Variants in PRDM16 observed in about 807,000 individuals in gnomAD.
PRDM16 encodes PR/SET domain 16.
PRDM16 carries 23 observed loss-of-function variants against 110.6 expected under a neutral mutation model. The ratio of observed to expected loss-of-function variants is 0.21; its 90% CI spans 0.15 to 0.29. PRDM16 has a LOEUF of 0.29. Ranked by LOEUF, PRDM16 falls within the 10% of genes least tolerant of loss-of-function variation. PRDM16 has a pLI of 1.00. For missense variants in PRDM16, 1,615 were observed against 1,794.3 expected, an observed-to-expected ratio of 0.90 and a Z score of 1.81; for synonymous variants, 799 against 781.8, an observed-to-expected ratio of 1.02 and a Z score of -0.37.
At position 3,148,716 on chromosome 1, in the gene PRDM16, G is replaced by T. The variant is rs114150053; in HGVS notation, c.38-37409G>T. On this transcript the variant is annotated intron_variant, in intron 1 of 16. Coordinates refer to ENST00000270722, the MANE Select transcript of PRDM16 (RefSeq NM_022114.4). This position sits in a 1 kb window ranked among gnomAD's most constrained non-coding sequence, Gnocchi z 5.0. The stretch of plus-strand genomic sequence containing the variant: ...GTCAGAGCAGCGGCCCAAAGCCAAA[G>T]GGTGGTGAATCTGGGCACTGCCTGG... Among the ~76,000 whole-genome samples the T allele has an allele frequency of 0.025, 3,851 of 152,314 alleles. 179 individuals are homozygous for T. Among genetic ancestry groups the T allele is most frequent in the African/African-American group, 0.087 (3,621 of 41,552 alleles).
chr1:3,433,529 TCTGGGATGGCCCGCCCTGC>T, intron 16 of PRDM16, 129 bp from the exon 17 acceptor site: 1 of 531,796 alleles, frequency 1.9e-6, no homozygotes. Context: ...CACCTGCCTG[TCTGGGATGGCCCGCCCTGC>T]CCACGCGCTC....
At chr1:3,315,481 T>G (rs1641580262) in intron 3 of PRDM16, among the ~76,000 whole-genome samples, 1 of 152,128 alleles carries the variant, frequency 6.6e-6, no homozygotes, top group Admixed American at 6.5e-5. Context: ...CTGAAGGACA[T>G]GGGCACATTT....
intron 1 of PRDM16, among the ~76,000 whole-genome samples, chr1:3,172,132 T>C (rs957788538): frequency 3.3e-5 from 5 of 151,966 alleles, no homozygotes. Context: ...GAGAAGGAGT[T>C]GAGAACAGAA....
chr1:3,138,727 G>T (rs975430798), intron 1 of PRDM16, among the ~76,000 whole-genome samples: 1 of 152,216 alleles, frequency 6.6e-6, no homozygotes, highest in Non-Finnish European at 1.5e-5. Context: ...TGCTCAGACC[G>T]GTGGGTGCCA....
intron 2 of PRDM16, among the ~76,000 whole-genome samples, chr1:3,194,745 C>T (rs1407547032): frequency 6.6e-6 from 1 of 152,178 alleles, no homozygotes; most frequent in African/African-American, 2.4e-5. Flanking sequence ...ACCGTCTGAT[C>T]GCCACACATT....
intron 1 of PRDM16, among the ~76,000 whole-genome samples, chr1:3,124,538 A>G (rs2100669089): frequency 6.6e-6 from 1 of 152,316 alleles, no homozygotes; most frequent in African/African-American, 2.4e-5. Context: ...TATAGCACCA[A>G]TGCTAGGATC....
intron 3 of PRDM16, among the ~76,000 whole-genome samples, chr1:3,268,474 C>T (rs563737096): frequency 1.3e-5 from 2 of 152,286 alleles, no homozygotes; most frequent in Admixed American, 6.5e-5. Flanking sequence ...TGGTGCAGGG[C>T]GGCCGGGGAG....
chr1:3,433,936 C>G lies in PRDM16; in HGVS notation c.*125C>G. The G allele has an allele frequency of 1.0e-6, 1 of 962,282 alleles. No homozygotes were observed. The highest frequency in any genetic ancestry group is 1.6e-5 in the African/African-American group (1 of 61,080). The allele number at this position is 962,282 out of a possible 1,614,324, so 59.6% of individuals were successfully genotyped here. A position where few individuals can be genotyped will look rare whatever the true frequency, so the allele number is the denominator to read the frequency against. On this transcript the variant is annotated 3_prime_UTR_variant, in exon 17 of 17. Coordinates refer to ENST00000270722, the MANE Select transcript of PRDM16 (RefSeq NM_022114.4). ...ACTCCTCAGCATCCTCCCCACCCACCATGGTTCATTCCGACTTTTCCAATG... is the reference window on the plus strand; with the variant it reads ...ACTCCTCAGCATCCTCCCCACCCACGATGGTTCATTCCGACTTTTCCAATG...
intron 3 of PRDM16, among the ~76,000 whole-genome samples, chr1:3,310,481 CAG>C (rs1641424203): frequency 6.6e-6 from 1 of 152,198 alleles, no homozygotes. Context: ...TCACAACCCA[CAG>C]GGGCCCTCGG....
At chr1:3,381,253 C>T (rs1234495519) in intron 3 of PRDM16, among the ~76,000 whole-genome samples, 2 of 152,208 alleles carry the variant, frequency 1.3e-5, no homozygotes, top group Admixed American at 1.3e-4. Flanking sequence ...CACACACAAG[C>T]ACACACCCAG....
At chr1:3,420,354 A>G (rs1638392603) in intron 12 of PRDM16, among the ~76,000 whole-genome samples, 1 of 152,192 alleles carries the variant, frequency 6.6e-6, no homozygotes, top group South Asian at 2.1e-4. Flanking sequence ...GAAGCCTGCC[A>G]AGAGGAGCTC....
At chr1:3,348,560 C>T (rs1050170165) in intron 3 of PRDM16, among the ~76,000 whole-genome samples, 7 of 152,222 alleles carry the variant, frequency 4.6e-5, no homozygotes, top group East Asian at 1.9e-4. Flanking sequence ...GGGACATGCA[C>T]GCTTCTTAAA....
chr1:3,165,793 G>T (rs111331954), intron 1 of PRDM16, among the ~76,000 whole-genome samples: 1 of 75,922 alleles, frequency 1.3e-5, no homozygotes, highest in Admixed American at 1.3e-4. Flanking sequence ...TCAGGGACAG[G>T]GACTCACCAG....
intron 1 of PRDM16, among the ~76,000 whole-genome samples, chr1:3,071,124 C>T (rs916990815): frequency 2.0e-5 from 3 of 152,270 alleles, no homozygotes; most frequent in African/African-American, 7.2e-5. Context: ...CAGGCCCTCG[C>T]CCAGGATGGG....
intron 3 of PRDM16, among the ~76,000 whole-genome samples, chr1:3,281,253 G>A (rs539248879): frequency 3.0e-4 from 45 of 152,314 alleles, no homozygotes; most frequent in African/African-American, 9.1e-4. Flanking sequence ...GGGCACTGTC[G>A]CCCAGGAGGA....
intron 2 of PRDM16, among the ~76,000 whole-genome samples, chr1:3,241,665 A>C (rs1639677867): frequency 6.6e-6 from 1 of 152,252 alleles, no homozygotes; most frequent in South Asian, 2.1e-4. Flanking sequence ...ACTCCGCCAG[A>C]AAGGCAAGAA....
At chr1:3,230,055 C>T (rs1362309572) in intron 2 of PRDM16, among the ~76,000 whole-genome samples, 1 of 152,228 alleles carries the variant, frequency 6.6e-6, no homozygotes, top group Non-Finnish European at 1.5e-5. Flanking sequence ...CAAGGAGGAA[C>T]GCGCATCCCC....
intron 3 of PRDM16, among the ~76,000 whole-genome samples, chr1:3,343,764 C>T (rs1255184316): frequency 6.6e-6 from 1 of 152,086 alleles, no homozygotes; most frequent in African/African-American, 2.4e-5. Flanking sequence ...CCTCAGCCTC[C>T]CAAGTAGCTG....
At chr1:3,079,244 T>A (rs1363711184) in intron 1 of PRDM16, among the ~76,000 whole-genome samples, 1 of 152,202 alleles carries the variant, frequency 6.6e-6, no homozygotes, top group Non-Finnish European at 1.5e-5. Context: ...TATGTCAGCA[T>A]CTCTCCGCAG....
Sources: gnomAD v4.1 joint callset for allele counts (sites outside exome capture counted in the v4.1 genomes callset) on GRCh38, gnomAD v4.1.1 for gene constraint, Gnocchi (gnomAD v3.1) non-coding constraint, MANE v1.5 for transcripts, NCBI Gene and HGNC (gene_info 2026-07-23, HGNC 2026-07-21) for gene names.